The following ZNF385D variants were observed in gnomAD, a reference collection of about 807,000 sequenced individuals.
The protein encoded by ZNF385D is zinc finger protein 385D.
ZNF385D carries 15 observed loss-of-function variants against 35.8 expected under a neutral mutation model. The observed-to-expected ratio is 0.42, with a 90% CI of 0.28 to 0.64. The LOEUF is 0.64. ZNF385D is among the 30% of genes least tolerant of loss of function. The pLI is 0.23. For missense variants in ZNF385D, 474 were observed against 494.6 expected, an observed-to-expected ratio of 0.96 and a Z score of 0.39; for synonymous variants, 212 against 186.8, an observed-to-expected ratio of 1.13 and a Z score of -1.10.
Position 21,564,734 on chromosome 3 carries a change from T to TCCATTGG in ZNF385D, c.166-57_166-51dup, listed in dbSNP as rs752945746. The stretch of plus-strand genomic sequence containing the variant: ...ACAAATAGAAATAAAGCTTGTCAGT[T>TCCATTGG]CCATTGGAATTTTGCCTATTTCATT... On this transcript the variant is annotated intron_variant, in intron 2 of 7. Transcript: ENST00000281523. 346 of 1,237,780 alleles carry TCCATTGG rather than the reference T, an allele frequency of 2.8e-4. No homozygotes were observed. The East Asian group carries it at 8.8e-3, about 31-fold the overall frequency. 76.7% of individuals were successfully genotyped at this position (1,237,780 alleles called of 1,614,324 possible). A position where few individuals can be genotyped will look rare whatever the true frequency, so the allele number is the denominator to read the frequency against.
At chr3:21,774,212 G>C (rs2071195554) in intron 3 of ZNF385D, among the ~76,000 whole-genome samples, 1 of 151,816 alleles carries the variant, frequency 6.6e-6, no homozygotes, top group Non-Finnish European at 1.5e-5. Context: ...AGTGGGAGCT[G>C]AATGATGAGA....
At chr3:21,789,511 GACACACACACATATACACATGTGTAAGC>G (rs1248182906) in intron 3 of ZNF385D, among the ~76,000 whole-genome samples, 1 of 151,904 alleles carries the variant, frequency 6.6e-6, no homozygotes, top group East Asian at 1.9e-4. Flanking sequence ...CACACACACA[GACACACACACATATACACATGTGTAAGC>G]ACACACACAT....
In ZNF385D at chr3:21,749,960, T is replaced by C. The variant is rs187206867; in HGVS notation, c.22+935A>G. Among the ~76,000 whole-genome samples the C allele has an allele frequency of 3.5e-3, 532 of 152,262 alleles. 4 individuals are homozygous for C. Among genetic ancestry groups the C allele is most frequent in the African/African-American group, 0.012 (514 of 41,542 alleles). ...GAAATCAGAGCATTTGCATCTTGGATACATTTCCTAGCCCCTCTCCAGTTG... is the reference window on the plus strand; with the variant it reads ...GAAATCAGAGCATTTGCATCTTGGACACATTTCCTAGCCCCTCTCCAGTTG... On this transcript the variant is annotated intron_variant, in intron 1 of 7. Coordinates refer to ENST00000281523, the MANE Select transcript of ZNF385D (RefSeq NM_024697.3).
chr3:22,369,180 G>A lies in ZNF385D; in HGVS notation c.106+3270C>T, dbSNP rs574775854. Among the ~76,000 whole-genome samples the A allele has an allele frequency of 7.9e-5, 12 of 152,244 alleles. No individual in the cohort carries two copies. The South Asian group carries it at 2.3e-3, about 29-fold the overall frequency. On this transcript the variant is annotated intron_variant, in intron 2 of 5. Transcript: ENST00000494108. Reference sequence around the variant, plus strand: ...TCCAATATTAGTTTCTTCAATCTGGGATGTCAGTGTGACTCATGTTTATGG... The same window carrying A: ...TCCAATATTAGTTTCTTCAATCTGGAATGTCAGTGTGACTCATGTTTATGG...
At chr3:22,113,667 T>C (rs1042754558) in intron 3 of ZNF385D, among the ~76,000 whole-genome samples, 3 of 152,034 alleles carry the variant, frequency 2.0e-5, no homozygotes, top group Non-Finnish European at 4.4e-5. Flanking sequence ...ACTAGGAGTG[T>C]CTTAGAAGCC....
intron 3 of ZNF385D, among the ~76,000 whole-genome samples, chr3:22,090,517 T>A (rs920457448): frequency 1.5e-4 from 22 of 151,614 alleles, no homozygotes; most frequent in African/African-American, 4.8e-4. Flanking sequence ...AAAAAAAAAA[T>A]AAGCTCTCAG....
chr3:22,173,143 T>C (rs1314933686), intron 2 of ZNF385D, among the ~76,000 whole-genome samples: 2 of 152,072 alleles, frequency 1.3e-5, no homozygotes, highest in South Asian at 2.1e-4. Flanking sequence ...ACCTGACCAA[T>C]ATGCAAAACT....
At chr3:21,898,679 G>C (rs1469278034) in intron 3 of ZNF385D, among the ~76,000 whole-genome samples, 2 of 152,066 alleles carry the variant, frequency 1.3e-5, no homozygotes, top group African/African-American at 4.8e-5. Flanking sequence ...AAAAACAATA[G>C]GCCCTTTTTC....
chr3:21,602,944 A>T (rs1035331971), intron 2 of ZNF385D, among the ~76,000 whole-genome samples: 4 of 152,146 alleles, frequency 2.6e-5, no homozygotes, highest in Non-Finnish European at 5.9e-5. Context: ...AAACCTCCAG[A>T]TAAAAAGATC....
chr3:22,151,362 T>C (rs1705222111), intron 3 of ZNF385D, among the ~76,000 whole-genome samples: 1 of 152,250 alleles, frequency 6.6e-6, no homozygotes, highest in African/African-American at 2.4e-5. Context: ...TATTATGTTA[T>C]TAAATACCCA....
chr3:21,863,768 A>T (rs1697183640), intron 3 of ZNF385D, among the ~76,000 whole-genome samples: 1 of 152,186 alleles, frequency 6.6e-6, no homozygotes, highest in African/African-American at 2.4e-5. Context: ...ATTTTAAGGC[A>T]GGACTCATGT....
intron 2 of ZNF385D, among the ~76,000 whole-genome samples, chr3:22,324,927 C>G (rs1281412481): frequency 1.3e-5 from 2 of 152,148 alleles, no homozygotes; most frequent in Non-Finnish European, 2.9e-5. Flanking sequence ...GGTTCTAACA[C>G]TTACCATCTG....
intron 1 of ZNF385D, among the ~76,000 whole-genome samples, chr3:21,680,658 T>G (rs1176987889): frequency 6.6e-6 from 1 of 152,198 alleles, no homozygotes; most frequent in East Asian, 1.9e-4. Flanking sequence ...CCATTCAATT[T>G]TATAAGTGGC....
intron 2 of ZNF385D, among the ~76,000 whole-genome samples, chr3:22,345,331 C>T (rs1268148651): frequency 6.6e-6 from 1 of 152,136 alleles, no homozygotes; most frequent in Non-Finnish European, 1.5e-5. Context: ...TTGTTTGACA[C>T]TTCAAAAATA....
intron 2 of ZNF385D, among the ~76,000 whole-genome samples, chr3:22,192,325 T>G (rs968873265): frequency 6.6e-6 from 1 of 152,174 alleles, no homozygotes; most frequent in East Asian, 1.9e-4. Context: ...TATTGTAGCC[T>G]GAGAAAATGA....
chr3:22,369,683 CATGT>C (rs1559545873), intron 2 of ZNF385D, among the ~76,000 whole-genome samples: 1 of 152,136 alleles, frequency 6.6e-6, no homozygotes, highest in East Asian at 1.9e-4. Flanking sequence ...TAATTCCATT[CATGT>C]ATGGATAAAT....
At chr3:22,167,965 T>C (rs1188709725) in intron 3 of ZNF385D, among the ~76,000 whole-genome samples, 1 of 152,240 alleles carries the variant, frequency 6.6e-6, no homozygotes, top group Non-Finnish European at 1.5e-5. Context: ...AATGTACTTT[T>C]ATTTTTCTTC....
At chr3:21,613,404 T>C (rs2064747627) in intron 2 of ZNF385D, among the ~76,000 whole-genome samples, 1 of 151,480 alleles carries the variant, frequency 6.6e-6, no homozygotes, top group South Asian at 2.1e-4. Context: ...TTGGCGGTTT[T>C]AGAAAAAAAA....
chr3:21,575,052 A>C (rs2063454998), intron 2 of ZNF385D, among the ~76,000 whole-genome samples: 2 of 152,226 alleles, frequency 1.3e-5, no homozygotes, highest in African/African-American at 4.8e-5. Flanking sequence ...ACAGTTGTAA[A>C]ATTCAGAGTG....
Sources: allele counts gnomAD v4.1 joint callset (sites outside exome capture counted in the v4.1 genomes callset), GRCh38; gene constraint gnomAD v4.1.1; transcripts MANE v1.5; gene names NCBI Gene and HGNC (gene_info 2026-07-23, HGNC 2026-07-21).